RNF212B: variants seen among roughly 807,000 people sequenced by gnomAD.
RNF212B encodes ring finger protein 212B.
RNF212B carries 52 observed loss-of-function variants against 55.5 expected under a neutral mutation model. The ratio of observed to expected loss-of-function variants is 0.94; its 90% CI spans 0.75 to 1.18. RNF212B has a LOEUF of 1.18. Ranked by LOEUF, RNF212B falls within the 50% of genes most tolerant of loss-of-function variation. The probability of loss-of-function intolerance (pLI) is 0.00; values close to 1 mark genes in which losing one functional copy is unlikely to be tolerated. For synonymous variants in RNF212B, 99 were observed against 121.4 expected, an observed-to-expected ratio of 0.82 and a Z score of 1.21; for missense variants, 289 against 350.4, an observed-to-expected ratio of 0.82 and a Z score of 1.40.
In RNF212B at chr14:23,272,868, G is replaced by T. The variant is rs1886216574; in HGVS notation, c.880G>T (p.Glu294Ter). The change falls in exon 15 of 15, where the codon GAA becomes TAA. Residue 294 changes from glutamate to a stop codon, truncating the protein, a stop_gained. Coordinates refer to ENST00000430154, the MANE Select transcript of RNF212B (RefSeq NM_001282322.3). LOFTEE classifies it high-confidence loss of function. ...RRHMGLPSGR[E>*]AWTTSR ...GCATATGGGATTACCCAGTGGGAGAGAAGCATGGACCACTTCTAGATAGAT... is the reference window on the plus strand; with the variant it reads ...GCATATGGGATTACCCAGTGGGAGATAAGCATGGACCACTTCTAGATAGAT... 6.5e-7 allele frequency: 1 copy of T among 1,546,172 alleles called. No homozygotes were observed. The highest frequency in any genetic ancestry group is 1.2e-5 in the South Asian group (1 of 83,806).
chr14:23,270,686 T>C (rs1183381859), intron 14 of RNF212B, 25 bp downstream of exon 14: 3 of 1,503,800 alleles, frequency 2.0e-6, no homozygotes, highest in Non-Finnish European at 9.1e-7. Context: ...GTCTAACTTG[T>C]CTGTGCATAA....
At position 23,226,166 on chromosome 14, in the gene RNF212B, C is replaced by T. The variant is rs151100027; in HGVS notation, c.-1-14179C>T. Among the ~76,000 whole-genome samples the T allele has an allele frequency of 7.5e-3, 1,139 of 150,912 alleles. 18 individuals carry two copies. The highest frequency in any genetic ancestry group is 0.026 in the African/African-American group (1,058 of 41,106). On this transcript the variant is annotated intron_variant, in intron 2 of 15. Transcript: ENST00000399910. ...TACAAAAATTAGCAGGGTGTGGTGG[C>T]GGGTGCCTGTAATCCCAGTTACTCG...
intron 2 of RNF212B, among the ~76,000 whole-genome samples, chr14:23,209,876 A>G (rs8012162): frequency 0.036 from 5,556 of 152,264 alleles, 341 homozygotes; most frequent in African/African-American, 0.13. Context: ...TGACTGGCCC[A>G]GTGAGGTGAC....
intron 2 of RNF212B, among the ~76,000 whole-genome samples, chr14:23,198,997 C>T (rs1357413137): frequency 2.0e-5 from 3 of 152,142 alleles, no homozygotes; most frequent in South Asian, 2.1e-4. Context: ...CTATACCTCA[C>T]GCTGTCCACT....
Position 23,226,617 on chromosome 14 carries a change from C to T in RNF212B, c.-1-13728C>T, listed in dbSNP as rs1882044927. Among the ~76,000 whole-genome samples, 3 of 151,924 alleles carry T rather than the reference C, an allele frequency of 2.0e-5. No individual in the cohort carries two copies. In the South Asian group the frequency reaches 6.2e-4, roughly 32 times the overall value. ...CCACACTCCAGCCTGGGTGACAGAG[C>T]GAGACTCTGTATCAAAAACAAAACA... On this transcript the variant is annotated intron_variant, in intron 2 of 15. Transcript: ENST00000399910.
intron 1 of RNF212B, among the ~76,000 whole-genome samples, chr14:23,190,795 G>T (rs1221064594): frequency 1.3e-5 from 2 of 152,182 alleles, no homozygotes; most frequent in Non-Finnish European, 2.9e-5. Flanking sequence ...GCCTGTCACA[G>T]CTAACTAGAA....
chr14:23,239,944 T>C (rs1244852880), intron 1 of RNF212B, among the ~76,000 whole-genome samples: 1 of 150,594 alleles, frequency 6.6e-6, no homozygotes, highest in African/African-American at 2.4e-5. Flanking sequence ...AATTACAAAC[T>C]GGCACATGTA....
chr14:23,207,831 G>A (rs1403396368), intron 2 of RNF212B, among the ~76,000 whole-genome samples: 2 of 152,184 alleles, frequency 1.3e-5, no homozygotes, highest in Non-Finnish European at 2.9e-5. Flanking sequence ...ATACATTTTA[G>A]GAAGACATGA....
chr14:23,262,800 G>C lies in RNF212B; in HGVS notation c.481+89G>C, dbSNP rs769083704. The stretch of plus-strand genomic sequence containing the variant: ...GGTTTCCTCTCAGAGACAATAATGT[G>C]ATCTTCCTAACTTTATGTGTAATAT... On this transcript the variant is annotated intron_variant, in intron 8 of 14. Transcript: ENST00000430154. 4.2e-6 allele frequency: 6 copies of C among 1,439,426 alleles called. No individual in the cohort carries two copies. The African/African-American group carries it at 8.5e-5, about 20-fold the overall frequency. The allele number at this position is 1,439,426 out of a possible 1,614,324, so 89.2% of individuals were successfully genotyped here. A position where few individuals can be genotyped will look rare whatever the true frequency, so the allele number is the denominator to read the frequency against.
upstream of RNF212B, among the ~76,000 whole-genome samples, chr14:23,237,837 C>T (rs1450316822): frequency 2.6e-5 from 4 of 152,148 alleles, no homozygotes; most frequent in African/African-American, 7.2e-5. Context: ...CTCTGCGGGC[C>T]CCGCCCACGC....
intron 7 of RNF212B, among the ~76,000 whole-genome samples, chr14:23,261,699 C>T (rs1295066994): frequency 6.6e-6 from 1 of 152,202 alleles, no homozygotes; most frequent in African/African-American, 2.4e-5. Context: ...TGGTGGCTCA[C>T]ACCCGTAATC....
intron 2 of RNF212B, among the ~76,000 whole-genome samples, chr14:23,207,513 A>C (rs914735832): frequency 6.6e-6 from 1 of 152,192 alleles, no homozygotes; most frequent in African/African-American, 2.4e-5. Context: ...ATCTCCACCA[A>C]ATTTGGGGAG....
At chr14:23,231,597 ATATT>A (rs1425549615) in intron 2 of RNF212B, among the ~76,000 whole-genome samples, 2 of 152,148 alleles carry the variant, frequency 1.3e-5, no homozygotes, top group Non-Finnish European at 2.9e-5. Context: ...AAAGATAAGA[ATATT>A]TAAAGAGCTC....
intron 4 of RNF212B, among the ~76,000 whole-genome samples, chr14:23,251,204 G>A (rs1262297721): frequency 1.3e-5 from 2 of 152,206 alleles, no homozygotes; most frequent in Admixed American, 1.3e-4. Flanking sequence ...TGTGTGAGAT[G>A]TTTTCTGATA....
chr14:23,187,262 G>A (rs551115371), intron 1 of RNF212B, among the ~76,000 whole-genome samples: 21 of 152,320 alleles, frequency 1.4e-4, no homozygotes, highest in African/African-American at 5.1e-4. Flanking sequence ...CTACTGGACA[G>A]AAAAGGTTAT....
intron 4 of RNF212B, among the ~76,000 whole-genome samples, chr14:23,254,279 T>G (rs1884622403): frequency 8.5e-6 from 1 of 117,350 alleles, no homozygotes; most frequent in Admixed American, 7.7e-5. Context: ...AGCAATACTC[T>G]TTATCTCAAA....
intron 2 of RNF212B, among the ~76,000 whole-genome samples, chr14:23,242,688 G>C (rs1566423688): frequency 6.6e-6 from 1 of 152,162 alleles, no homozygotes; most frequent in Non-Finnish European, 1.5e-5. Flanking sequence ...GATGGGGCAG[G>C]AGGTGCTGGG....
At chr14:23,226,816 T>TC (rs1882076744) in intron 2 of RNF212B, among the ~76,000 whole-genome samples, 6 of 139,382 alleles carry the variant, frequency 4.3e-5, no homozygotes, top group South Asian at 2.3e-4. Flanking sequence ...CTTCTTCTTT[T>TC]TTTTTTTTTT....
At chr14:23,254,276 C>T (rs1884621952) in intron 4 of RNF212B, among the ~76,000 whole-genome samples, 1 of 124,904 alleles carries the variant, frequency 8.0e-6, no homozygotes, top group Admixed American at 7.5e-5. Flanking sequence ...CAGAGCAATA[C>T]TCTTTATCTC....
Sources: gnomAD v4.1 joint callset for allele counts (sites outside exome capture counted in the v4.1 genomes callset) on GRCh38, gnomAD v4.1.1 for gene constraint, MANE v1.5 for transcripts, NCBI Gene and HGNC (gene_info 2026-07-23, HGNC 2026-07-21) for gene names.